The following CSRNP3 variants were observed in gnomAD, a reference collection of about 807,000 sequenced individuals.
CSRNP3 encodes the protein cysteine and serine rich nuclear protein 3, also known as cysteine/serine-rich nuclear protein 3.
A neutral mutation model predicts 48.0 loss-of-function variants in CSRNP3; 12 were observed. That is an observed-to-expected ratio of 0.25 (90% CI 0.16 to 0.41). The LOEUF (loss-of-function observed/expected upper bound fraction) is 0.41. Among genes scored for constraint, CSRNP3 ranks in the 10% least tolerant of loss-of-function variants. The probability of loss-of-function intolerance (pLI) is 1.00; values close to 1 mark genes in which losing one functional copy is unlikely to be tolerated. For missense variants in CSRNP3, 580 were observed against 724.4 expected (o/e 0.80, Z 2.29); for synonymous variants, 263 against 269.7 (o/e 0.98, Z 0.24).
chr2:165,594,177 CTTTCAG>C (rs201449122), intron 3 of CSRNP3, among the ~76,000 whole-genome samples: 2,817 of 152,204 alleles, frequency 0.019, 82 homozygotes, highest in African/African-American at 0.065. Context: ...GATATTTAAC[CTTTCAG>C]TTAAATACTG....
At chr2:165,503,077 C>T (rs1406335146) in intron 2 of CSRNP3, among the ~76,000 whole-genome samples, 1 of 151,598 alleles carries the variant, frequency 6.6e-6, no homozygotes, top group Non-Finnish European at 1.5e-5. Flanking sequence ...TGTCATTTTT[C>T]TTCTAACTCT....
At chr2:165,510,024 G>T (rs1243665538) in intron 2 of CSRNP3, among the ~76,000 whole-genome samples, 1 of 152,138 alleles carries the variant, frequency 6.6e-6, no homozygotes, top group African/African-American at 2.4e-5. Flanking sequence ...TTTTTGGGAA[G>T]AACACCAGAG....
chr2:165,497,617 CA>C (rs1684300945), intron 2 of CSRNP3, among the ~76,000 whole-genome samples: 2 of 152,062 alleles, frequency 1.3e-5, no homozygotes, highest in South Asian at 4.1e-4. Context: ...CAAAAACTAA[CA>C]GTAAAGAGTC....
At position 165,676,361 on chromosome 2, in the gene CSRNP3, T is replaced by C; in HGVS notation, c.458T>C (p.Leu153Pro). Reference protein sequence around the residue: ...VESEEASTLTLDDISDDDIDL... With the variant: ...VESEEASTLTPDDISDDDIDL... ...TCAGAAGAAGCCAGCACTCTTACAC[T>C]GGATGACATTTCTGATGATGACATT... Residue 153 changes from leucine to proline, a missense_variant, in exon 6 of 7, where the codon CTG (leucine) becomes CCG (proline). This residue lies in a region of CSRNP3 where 62 missense variants were observed against 66.4 expected (regional missense o/e 0.93). Transcript: ENST00000651982. The C allele has an allele frequency of 2.5e-6, 4 of 1,614,066 alleles. No individual in the cohort carries two copies. The highest frequency in any genetic ancestry group is 3.4e-6 in the Non-Finnish European group (4 of 1,179,966).
At chr2:165,662,893 T>C (rs1290312796) in intron 5 of CSRNP3, among the ~76,000 whole-genome samples, 1 of 152,194 alleles carries the variant, frequency 6.6e-6, no homozygotes, top group African/African-American at 2.4e-5. Flanking sequence ...ATATGTTCCT[T>C]GAGTAATGTG....
intron 2 of CSRNP3, among the ~76,000 whole-genome samples, chr2:165,499,602 A>T (rs1293308700): frequency 3.3e-5 from 5 of 152,192 alleles, no homozygotes. Context: ...ATGTTCGGCT[A>T]CAGTGATCTT....
Position 165,658,168 on chromosome 2 carries a change from A to G in CSRNP3, c.408+148A>G, listed in dbSNP as rs1263102672. On this transcript the variant is annotated intron_variant, in intron 5 of 6. Coordinates refer to ENST00000651982, the MANE Select transcript of CSRNP3 (RefSeq NM_001172173.2). ...ACATTTTTTTAAAGCAAAACGATAT[A>G]GTCTGTTTGCTAAAAGCAATGTGGG... 3.5e-6 allele frequency: 3 copies of G among 858,882 alleles called. No individual in the cohort carries two copies. The Admixed American group carries it at 8.7e-5, about 25-fold the overall frequency. The allele number at this position is 858,882 out of a possible 1,614,324, so 53.2% of individuals were successfully genotyped here.
chr2:165,556,406 AC>A (rs902863527), intron 3 of CSRNP3, among the ~76,000 whole-genome samples: 7 of 152,206 alleles, frequency 4.6e-5, no homozygotes, highest in African/African-American at 1.7e-4. Context: ...AGACGTAGAT[AC>A]GGAGGTCATC....
intron 4 of CSRNP3, among the ~76,000 whole-genome samples, chr2:165,612,781 T>C (rs1686160738): frequency 6.6e-6 from 1 of 152,014 alleles, no homozygotes; most frequent in South Asian, 2.1e-4. Flanking sequence ...GGGTGAAAAG[T>C]ATTCTATTGT....
chr2:165,658,686 G>A (rs558678140), intron 5 of CSRNP3, among the ~76,000 whole-genome samples: 9 of 152,214 alleles, frequency 5.9e-5, no homozygotes, highest in Admixed American at 3.9e-4. Context: ...TCATGGCGGA[G>A]GGCAAAAGGC....
At chr2:165,675,561 T>G (rs945294339) in intron 5 of CSRNP3, among the ~76,000 whole-genome samples, 12 of 152,216 alleles carry the variant, frequency 7.9e-5, no homozygotes, top group African/African-American at 2.7e-4. Flanking sequence ...ACTAATCATG[T>G]GTATGTGAGA....
At chr2:165,519,061 T>C (rs1299632076) in intron 3 of CSRNP3, among the ~76,000 whole-genome samples, 1 of 152,078 alleles carries the variant, frequency 6.6e-6, no homozygotes, top group African/African-American at 2.4e-5. Context: ...TCTGTTAGCC[T>C]AGAATACTGG....
At chr2:165,605,562 G>T (rs1685995977) in intron 4 of CSRNP3, among the ~76,000 whole-genome samples, 1 of 151,938 alleles carries the variant, frequency 6.6e-6, no homozygotes, top group Non-Finnish European at 1.5e-5. Flanking sequence ...GAAGCTTGGG[G>T]CTTACTATTC....
intron 3 of CSRNP3, among the ~76,000 whole-genome samples, chr2:165,547,254 TA>T (rs1486789156): frequency 6.6e-6 from 1 of 152,200 alleles, no homozygotes; most frequent in Non-Finnish European, 1.5e-5. Context: ...AAATTTTCAA[TA>T]TCACAAAGAA....
At chr2:165,491,028 G>A (rs1684199018) in intron 1 of CSRNP3, among the ~76,000 whole-genome samples, 1 of 138,370 alleles carries the variant, frequency 7.2e-6, no homozygotes. Context: ...CAACATGGGA[G>A]AAAATTTTCG....
intron 3 of CSRNP3, among the ~76,000 whole-genome samples, chr2:165,568,738 G>A (rs1242728919): frequency 1.3e-5 from 2 of 151,874 alleles, no homozygotes; most frequent in African/African-American, 4.8e-5. Context: ...TCTACTTCTG[G>A]CTGAAAAGAA....
At chr2:165,595,239 T>C (rs1445480235) in intron 4 of CSRNP3, 26 bp downstream of exon 4, 1 of 1,583,386 alleles carries the variant, frequency 6.3e-7, no homozygotes, top group Middle Eastern at 1.7e-4. Flanking sequence ...AGAACCGAAG[T>C]CAATTGTCTG....
intron 2 of CSRNP3, 93 bp from the exon 3 acceptor site, chr2:165,517,780 T>C (rs1684600352): frequency 6.6e-6 from 1 of 152,410 alleles, no homozygotes; most frequent in South Asian, 2.1e-4. Context: ...ATTGATTTTC[T>C]CCTATGTAAT....
chr2:165,661,713 A>G (rs1291568008), intron 5 of CSRNP3, among the ~76,000 whole-genome samples: 1 of 152,118 alleles, frequency 6.6e-6, no homozygotes, highest in African/African-American at 2.4e-5. Flanking sequence ...AAAAGTAAGG[A>G]TTGTTAAAGA....
Sources: gnomAD v4.1 joint callset for allele counts (sites outside exome capture counted in the v4.1 genomes callset) on GRCh38, gnomAD v4.1.1 for gene constraint, gnomAD v4.1.1 regional missense constraint, MANE v1.5 for transcripts, NCBI Gene and HGNC (gene_info 2026-07-23, HGNC 2026-07-21) for gene names.